TBC1D32: variants seen among roughly 807,000 people sequenced by gnomAD.
The protein encoded by TBC1D32 is TBC1 domain family member 32, also known as protein broad-minded.
In TBC1D32, 151 loss-of-function variants were observed where a neutral mutation model predicts 170.3. The ratio of observed to expected loss-of-function variants is 0.89; its 90% CI spans 0.78 to 1.01. The LOEUF (loss-of-function observed/expected upper bound fraction) is 1.01, where lower values mean the gene tolerates loss of function less well. Ranked by LOEUF, TBC1D32 falls within the 50% of genes least tolerant of loss-of-function variation. The pLI is 0.00. For missense variants in TBC1D32, 1,464 were observed against 1,457.1 expected (o/e 1.00, Z -0.08); for synonymous variants, 498 against 488.0 (o/e 1.02, Z -0.27).
intron 23 of TBC1D32, among the ~76,000 whole-genome samples, chr6:121,160,677 C>A (rs544064744): frequency 9.9e-5 from 15 of 152,030 alleles, no homozygotes; most frequent in Non-Finnish European, 1.9e-4. Flanking sequence ...TTCAAAGGCG[C>A]ATAAGAAAAA....
At chr6:121,207,463 T>A (rs1379993570) in intron 21 of TBC1D32, among the ~76,000 whole-genome samples, 1 of 152,176 alleles carries the variant, frequency 6.6e-6, no homozygotes, top group African/African-American at 2.4e-5. Context: ...AATCTATCAA[T>A]GAGAATGCAT....
chr6:121,101,418 C>A (rs117161311), intron 30 of TBC1D32, among the ~76,000 whole-genome samples: 1 of 151,866 alleles, frequency 6.6e-6, no homozygotes, highest in Non-Finnish European at 1.5e-5. Flanking sequence ...CCATGGGATG[C>A]GAAGCTGGTT....
At chr6:121,174,886 C>T (rs1324869144) in intron 22 of TBC1D32, among the ~76,000 whole-genome samples, 1 of 151,970 alleles carries the variant, frequency 6.6e-6, no homozygotes, top group Non-Finnish European at 1.5e-5. Flanking sequence ...AAAAAATTAG[C>T]TGCTCATGGT....
intron 21 of TBC1D32, 73 bp from the exon 22 acceptor site, chr6:121,205,236 A>C (rs1427566606): frequency 1.4e-6 from 1 of 732,452 alleles, no homozygotes; most frequent in Non-Finnish European, 2.1e-6. Flanking sequence ...ACAACAATTT[A>C]TTTAGATTTG....
chr6:121,257,238 G>A (rs751301316), intron 15 of TBC1D32, among the ~76,000 whole-genome samples: 12 of 151,650 alleles, frequency 7.9e-5, no homozygotes, highest in Admixed American at 4.6e-4. Flanking sequence ...CTTTTGTTTC[G>A]TTTCCTTTTT....
rs145505650 is a variant in TBC1D32, at chr6:121,170,701, A to G, written c.2571-9645T>C. Among the ~76,000 whole-genome samples the G allele has an allele frequency of 2.1e-3, 314 of 152,206 alleles. 1 individual carries two copies. Among genetic ancestry groups the G allele is most frequent in the African/African-American group, 7.3e-3 (302 of 41,574 alleles). On this transcript the variant is annotated intron_variant, in intron 22 of 31. Coordinates refer to ENST00000398212, the MANE Select transcript of TBC1D32 (RefSeq NM_152730.6). Reference sequence around the variant, plus strand: ...AATTAGAATAGTAATCTCCTCTTCAAAAGTTGTTCTGAGTATTTTTAAAAG... The same window carrying G: ...AATTAGAATAGTAATCTCCTCTTCAGAAGTTGTTCTGAGTATTTTTAAAAG...
intron 25 of TBC1D32, among the ~76,000 whole-genome samples, chr6:121,131,095 C>G (rs1483321356): frequency 1.3e-5 from 2 of 151,932 alleles, no homozygotes; most frequent in African/African-American, 4.8e-5. Context: ...CTAAGCACTT[C>G]TTTTTACATT....
At chr6:121,212,157 C>A (rs1030228901) in intron 21 of TBC1D32, among the ~76,000 whole-genome samples, 2 of 152,054 alleles carry the variant, frequency 1.3e-5, no homozygotes, top group South Asian at 4.2e-4. Context: ...CATATGCCCC[C>A]CCAAGACTGA....
intron 17 of TBC1D32, among the ~76,000 whole-genome samples, chr6:121,253,190 A>G (rs1000099211): frequency 5.9e-5 from 9 of 152,218 alleles, no homozygotes; most frequent in African/African-American, 2.2e-4. Context: ...AAATATTCAC[A>G]AACTATGCAA....
At chr6:121,095,612 T>C (rs1297147755) in intron 30 of TBC1D32, among the ~76,000 whole-genome samples, 2 of 152,166 alleles carry the variant, frequency 1.3e-5, no homozygotes, top group Non-Finnish European at 2.9e-5. Context: ...GTTCCATCAA[T>C]ACCTAGTTTA....
intron 10 of TBC1D32, among the ~76,000 whole-genome samples, chr6:121,295,289 CA>C (rs60783883): frequency 0.13 from 14,373 of 108,460 alleles, 993 homozygotes; most frequent in Admixed American, 0.27. Context: ...ATCCTAATTC[CA>C]AAAAAAAAAA....
At chr6:121,241,678 A>T in intron 18 of TBC1D32, 126 bp from the exon 19 acceptor site, 1 of 838,028 alleles carries the variant, frequency 1.2e-6, no homozygotes, top group Non-Finnish European at 1.9e-6. Flanking sequence ...CATACCTAAG[A>T]TCTTAAAAAG....
In TBC1D32 at chr6:121,170,611, C is replaced by T. The variant is rs982089542; in HGVS notation, c.2571-9555G>A. ...ACATCCTTGATGTCTCAAAGTAATA[C>T]CTGTACATCAAAATCTAAATCTAAC... On this transcript the variant is annotated intron_variant, in intron 22 of 31. Transcript: ENST00000398212. 8.9e-5 allele frequency: 85 copies of T among 956,202 alleles called. 1 individual carries two copies. Among genetic ancestry groups the T allele is most frequent in the Non-Finnish European group, 9.9e-6 (7 of 708,524 alleles). 59.2% of individuals were successfully genotyped at this position (956,202 alleles called of 1,614,324 possible).
intron 31 of TBC1D32, among the ~76,000 whole-genome samples, chr6:121,086,546 T>C (rs1185594432): frequency 1.3e-5 from 2 of 152,150 alleles, no homozygotes; most frequent in African/African-American, 2.4e-5. Flanking sequence ...AAAAAATCCC[T>C]CTTGACAATT....
At chr6:121,242,609 G>C (rs751856151) in intron 17 of TBC1D32, among the ~76,000 whole-genome samples, 13 of 151,840 alleles carry the variant, frequency 8.6e-5, no homozygotes, top group Non-Finnish European at 1.9e-4. Flanking sequence ...ATTATACCCA[G>C]GTTCTCTCAT....
At chr6:121,328,337 G>A (rs1425394575) in intron 1 of TBC1D32, among the ~76,000 whole-genome samples, 1 of 151,850 alleles carries the variant, frequency 6.6e-6, no homozygotes, top group Non-Finnish European at 1.5e-5. Flanking sequence ...CCAGGCTGGA[G>A]TGCAGTGACG....
At chr6:121,159,796 C>T (rs1344112055) in intron 24 of TBC1D32, among the ~76,000 whole-genome samples, 2 of 152,154 alleles carry the variant, frequency 1.3e-5, no homozygotes, top group South Asian at 2.1e-4. Context: ...CCTTTGTATA[C>T]TTGGTCCATC....
At chr6:121,296,992 T>G (rs996469241) in intron 10 of TBC1D32, among the ~76,000 whole-genome samples, 5 of 152,092 alleles carry the variant, frequency 3.3e-5, no homozygotes, top group Non-Finnish European at 1.5e-5. Flanking sequence ...CCCAGCTTTA[T>G]CTTCACCATC....
chr6:121,210,474 T>C (rs1376031754), intron 21 of TBC1D32, among the ~76,000 whole-genome samples: 1 of 152,158 alleles, frequency 6.6e-6, no homozygotes, highest in Admixed American at 6.5e-5. Flanking sequence ...AAGAACCATA[T>C]ACTGGAATAT....
Sources: allele counts gnomAD v4.1 joint callset (sites outside exome capture counted in the v4.1 genomes callset), GRCh38; gene constraint gnomAD v4.1.1; transcripts MANE v1.5; gene names NCBI Gene and HGNC (gene_info 2026-07-23, HGNC 2026-07-21).